The following SLC12A4 variants were observed in gnomAD, a reference collection of about 807,000 sequenced individuals.
The protein encoded by SLC12A4 is solute carrier family 12 member 4.
In SLC12A4, 84 loss-of-function variants were observed where a neutral mutation model predicts 119.2. The observed-to-expected ratio is 0.70, with a 90% CI of 0.59 to 0.85. The LOEUF is 0.85. SLC12A4 is among the 40% of genes least tolerant of loss of function. The pLI is 0.00. For synonymous variants in SLC12A4, 599 were observed against 604.6 expected (o/e 0.99, Z 0.14); for missense variants, 1,298 against 1,476.3 (o/e 0.88, Z 1.98).
Position 67,944,000 on chromosome 16 carries a change from C to CG in SLC12A4, c.*839dup, listed in dbSNP as rs967875404. The CG allele has an allele frequency of 4.5e-6, 7 of 1,547,836 alleles. No individual in the cohort carries two copies. Among genetic ancestry groups the CG allele is most frequent in the African/African-American group, 2.7e-5 (2 of 72,884 alleles). Reference sequence around the variant, plus strand: ...TGAGCTCAGCCTTGGGCGTGGTGTGCGGGGGGAAGAGCACATTGAGGAGCC... The same window carrying CG: ...TGAGCTCAGCCTTGGGCGTGGTGTGCGGGGGGGAAGAGCACATTGAGGAGCC... On this transcript the variant is annotated 3_prime_UTR_variant, in exon 24 of 24. Transcript: ENST00000316341. This position sits in a 1 kb window ranked among gnomAD's most constrained non-coding sequence, Gnocchi z 4.6.
intron 1 of SLC12A4, among the ~76,000 whole-genome samples, chr16:67,966,088 C>A (rs2030858534): frequency 6.6e-6 from 1 of 152,200 alleles, no homozygotes; most frequent in Admixed American, 6.5e-5. Flanking sequence ...GATTCCCAGA[C>A]CTTCCCCCGT....
At chr16:67,952,926 A>G (rs575914314) in intron 6 of SLC12A4, among the ~76,000 whole-genome samples, 75 of 151,560 alleles carry the variant, frequency 4.9e-4, no homozygotes, top group African/African-American at 1.8e-3. Context: ...ATCTCTACTA[A>G]AAATACAAAA....
chr16:67,953,331 G>T (rs1051415029), intron 6 of SLC12A4, among the ~76,000 whole-genome samples: 1 of 152,194 alleles, frequency 6.6e-6, no homozygotes, highest in African/African-American at 2.4e-5. Context: ...AAATTGCAGT[G>T]AGCTGTGATC....
intron 1 of SLC12A4, among the ~76,000 whole-genome samples, chr16:67,964,900 G>A (rs1030443237): frequency 5.3e-5 from 8 of 152,230 alleles, no homozygotes; most frequent in African/African-American, 1.9e-4. Flanking sequence ...GTGCTGTGCT[G>A]TGGATTCTTT....
Position 67,957,978 on chromosome 16 carries a change from G to A in SLC12A4, c.409C>T (p.Leu137Phe), listed in dbSNP as rs1251406401. The part of the protein sequence containing the change: ...PCLQNIFGVI[L>F]FLRLTWMVGT... The stretch of plus-strand genomic sequence containing the variant: ...ACCATCCAGGTCAGCCGCAGGAAGA[G>A]GATAACCCCAAAGATATTCTGCAGG... The change falls in exon 4 of 24, where the codon CTC becomes TTC. Residue 137 changes from leucine to phenylalanine, a missense_variant. Leu to Phe is a conservative substitution (Grantham distance 22). Transcript: ENST00000316341. The A allele has an allele frequency of 2.5e-6, 4 of 1,614,230 alleles. No individual in the cohort carries two copies. Among genetic ancestry groups the A allele is most frequent in the Middle Eastern group, 1.6e-4 (1 of 6,062 alleles).
At chr16:67,965,369 T>C (rs1347260049) in intron 1 of SLC12A4, among the ~76,000 whole-genome samples, 1 of 152,234 alleles carries the variant, frequency 6.6e-6, no homozygotes, top group Non-Finnish European at 1.5e-5. Flanking sequence ...AAAATGCCAG[T>C]TATACAGCTC....
In SLC12A4 at chr16:67,957,960, A is replaced by G. The variant is rs759147410; in HGVS notation, c.427T>C (p.Trp143Arg). 8.1e-6 allele frequency: 13 copies of G among 1,614,206 alleles called. No individual in the cohort carries two copies. Among genetic ancestry groups the G allele is most frequent in the Non-Finnish European group, 1.1e-5 (13 of 1,180,020 alleles). ...AGCACACCTGCTGTGCCCACCATCC[A>G]GGTCAGCCGCAGGAAGAGGATAACC... ...FGVILFLRLT[W>R]MVGTAGVLQA... Residue 143 changes from tryptophan to arginine, a missense_variant, in exon 4 of 24, where the codon TGG becomes CGG. Transcript: ENST00000316341.
At chr16:67,961,526 T>C in intron 3 of SLC12A4, 49 bp downstream of exon 3, 5 of 1,599,824 alleles carry the variant, frequency 3.1e-6, no homozygotes, top group Non-Finnish European at 4.3e-6. Context: ...TCCATGGTGC[T>C]GTGTCTGTCT....
At position 67,951,273 on chromosome 16, in the gene SLC12A4, A is replaced by C; in HGVS notation, c.1164T>G (p.Gly388=). 6.2e-7 allele frequency: 1 copy of C among 1,613,862 alleles called. No individual in the cohort carries two copies. The highest frequency in any genetic ancestry group is 8.5e-7 in the Non-Finnish European group (1 of 1,179,910). ...GCAGCCCATGCTTCTCCACGATGTC[A>C]CCCTTCTCCAGGTAGGCGCTCCACA... ...ENLWSAYLEK[G]DIVEKHGLPS... is the part of the protein sequence containing the mutation. Residue 388 remains glycine (G), a synonymous_variant, in exon 9 of 24, where the codon GGT becomes GGG. Coordinates refer to ENST00000316341, the MANE Select transcript of SLC12A4 (RefSeq NM_005072.5). This position sits in a 1 kb window ranked among gnomAD's most constrained non-coding sequence, Gnocchi z 5.2.
At position 67,949,838 on chromosome 16, in the gene SLC12A4, G is replaced by A. The variant is rs771495093; in HGVS notation, c.1710C>T (p.Leu570=). ...GGGCCACCATGTCGAGGGAGGCGAT[G>A]AGGATGCCCAGCTCGGCGATGAGTG... ...LTALIAELGI[L]IASLDMVAPI... The change falls in exon 13 of 24, where the codon CTC becomes CTT. Residue 570 remains leucine, a synonymous_variant. Transcript: ENST00000316341. The surrounding 1 kb of genome is among the most constrained non-coding windows in gnomAD (Gnocchi z 4.6). 6 of 1,611,298 alleles carry A rather than the reference G, an allele frequency of 3.7e-6. No homozygotes were observed. In the African/African-American group the frequency reaches 4.0e-5, roughly 11 times the overall value.
At chr16:67,961,524 GC>G in intron 3 of SLC12A4, 50 bp downstream of exon 3, 2 of 1,598,386 alleles carry the variant, frequency 1.3e-6, no homozygotes, top group Admixed American at 1.7e-5. Context: ...ATTCCATGGT[GC>G]TGTGTCTGTC....
rs767080964 is a variant in SLC12A4 at position 67,950,503 on chromosome 16, C to A, written c.1455-10G>T. 1.2e-6 allele frequency: 2 copies of A among 1,613,722 alleles called. No homozygotes were observed. The highest frequency in any genetic ancestry group is 3.3e-5 in the Admixed American group (2 of 60,010). On this transcript the variant is annotated splice_polypyrimidine_tract_variant and intron_variant, in intron 11 of 23. Transcript: ENST00000316341. This position sits in a 1 kb window ranked among gnomAD's most constrained non-coding sequence, Gnocchi z 4.3. ...GACACCATCGCCATACCTGCAGGGG[C>A]CACCAGAGTGAGGGATGTCAGGGGT...
chr16:67,967,525 A>C (rs1270176016), intron 1 of SLC12A4, among the ~76,000 whole-genome samples: 1 of 152,170 alleles, frequency 6.6e-6, no homozygotes, highest in African/African-American at 2.4e-5. Context: ...ACACAGACAC[A>C]TGTCCTCAGC....
Position 67,945,981 on chromosome 16 carries a change from G to A in SLC12A4, c.2709C>T (p.Arg903=). 1 of 1,614,024 alleles carries A rather than the reference G, an allele frequency of 6.2e-7. No homozygotes were observed. The highest frequency in any genetic ancestry group is 1.1e-5 in the South Asian group (1 of 91,090). Residue 903 remains arginine, a synonymous_variant, in exon 20 of 24, where the codon CGC becomes CGT. Coordinates refer to ENST00000316341, the MANE Select transcript of SLC12A4 (RefSeq NM_005072.5). ...KDLAVFLYHL[R]LEAEVEVVEM... is the part of the protein sequence containing the mutation. ...CCACCACCTCCACCTCGGCCTCAAG[G>A]CGCAGATGGTACAGAAAGACAGCCA... is the stretch of plus-strand genomic sequence containing the variant.
chr16:67,960,675 G>C (rs2030515507), intron 3 of SLC12A4, among the ~76,000 whole-genome samples: 1 of 151,594 alleles, frequency 6.6e-6, no homozygotes, highest in South Asian at 2.1e-4. Flanking sequence ...GGGAGTCAGT[G>C]TGTGGAGAGG....
chr16:67,952,036 C>G lies in SLC12A4; in HGVS notation c.919G>C (p.Val307Leu). The part of the protein sequence containing the change: ...KSIFDPPVFP[V>L]CMLGNRTLSR... ...AGGGTCCTGTTGCCCAGCATGCATA[C>G]CCTGTGAGGGACAGAAGCACCGGCA... The change falls in exon 8 of 24, where the codon GTA (valine) becomes CTA (leucine). Residue 307 changes from valine (V) to leucine (L), a missense_variant and splice_region_variant. Val to Leu is a conservative substitution (Grantham distance 32). Transcript: ENST00000316341. 6.2e-7 allele frequency: 1 copy of G among 1,613,476 alleles called. No individual in the cohort carries two copies. Among genetic ancestry groups the G allele is most frequent in the East Asian group, 2.2e-5 (1 of 44,870 alleles).
chr16:67,957,683 G>T lies in SLC12A4; in HGVS notation c.544+59C>A. ...GTGTGCTATGGGGGTTCCCAGGTAG[G>T]TCAAGGCAGATACTGGGTCCTTTTC... is the stretch of plus-strand genomic sequence containing the variant. On this transcript the variant is annotated intron_variant, in intron 5 of 23. Coordinates refer to ENST00000316341, the MANE Select transcript of SLC12A4 (RefSeq NM_005072.5). The T allele has an allele frequency of 3.7e-6, 6 of 1,602,694 alleles. No homozygotes were observed. In the South Asian group the frequency reaches 6.7e-5, roughly 18 times the overall value.
At chr16:67,948,636 A>T (rs1030581160) in intron 13 of SLC12A4, among the ~76,000 whole-genome samples, 1 of 152,226 alleles carries the variant, frequency 6.6e-6, no homozygotes, top group African/African-American at 2.4e-5. Flanking sequence ...GGCCAGCTGC[A>T]TGAGCCCTCC....
intron 3 of SLC12A4, among the ~76,000 whole-genome samples, chr16:67,958,318 T>G (rs1675195514): frequency 6.6e-6 from 1 of 152,148 alleles, no homozygotes; most frequent in East Asian, 1.9e-4. Flanking sequence ...TCTCTTCTGT[T>G]AAACTTCTAG....
Sources: allele counts gnomAD v4.1 joint callset (sites outside exome capture counted in the v4.1 genomes callset), GRCh38; gene constraint gnomAD v4.1.1; non-coding constraint Gnocchi (gnomAD v3.1); transcripts MANE v1.5; gene names NCBI Gene and HGNC (gene_info 2026-07-23, HGNC 2026-07-21).